Variants in LMNTD1 observed in about 807,000 individuals in gnomAD.
The protein encoded by LMNTD1 is lamin tail domain-containing protein 1.
A neutral mutation model predicts 50.9 loss-of-function variants in LMNTD1; 35 were observed. The observed-to-expected ratio is 0.69, with a 90% CI of 0.53 to 0.91. The LOEUF (loss-of-function observed/expected upper bound fraction) is 0.91. Ranked by LOEUF, LMNTD1 falls within the 40% of genes least tolerant of loss-of-function variation. LMNTD1 has a pLI of 0.00. For missense variants in LMNTD1, 470 were observed against 475.5 expected, an observed-to-expected ratio of 0.99 and a Z score of 0.11; for synonymous variants, 153 against 161.9, an observed-to-expected ratio of 0.94 and a Z score of 0.42.
rs142759203 is a variant in LMNTD1 at position 25,600,357 on chromosome 12, G to A, written c.58+48137C>T. ...AAATGTGAAAGTACTACAAGAAAAC[G>A]TTGAGGAAATTCTCCAGGACATTGG... On this transcript the variant is annotated intron_variant, in intron 1 of 7. Transcript: ENST00000445693. 1.4e-4 allele frequency among the ~76,000 whole-genome samples: 21 copies of A among 151,930 alleles called. No individual in the cohort carries two copies. In the East Asian group the frequency reaches 4.1e-3, roughly 29 times the overall value.
chr12:25,629,973 C>T (rs552934391), intron 1 of LMNTD1, among the ~76,000 whole-genome samples: 2 of 152,054 alleles, frequency 1.3e-5, no homozygotes, highest in Admixed American at 6.5e-5. Flanking sequence ...GCAAGCAATT[C>T]GTGGATGCTA....
rs141313099 is a variant in LMNTD1, at chr12:25,598,099, C to T, written c.58+50395G>A. Among the ~76,000 whole-genome samples, 836 of 152,164 alleles carry T rather than the reference C, an allele frequency of 5.5e-3. 9 individuals are homozygous for T. The highest frequency in any genetic ancestry group is 0.018 in the Admixed American group (276 of 15,266). ...GTAAGACAACCCATTGCCATTCCTT[C>T]GTCTTCTGCTATGATTGTGAGGCCT... On this transcript the variant is annotated intron_variant, in intron 1 of 7. Coordinates refer to the LMNTD1 transcript ENST00000445693.
At chr12:25,591,732 T>C (rs911842966) in intron 1 of LMNTD1, among the ~76,000 whole-genome samples, 5 of 150,110 alleles carry the variant, frequency 3.3e-5, no homozygotes, top group African/African-American at 7.4e-5. Context: ...TGGCTTCAGG[T>C]CTGACCCAGC....
At position 25,503,729 on chromosome 12, in the gene LMNTD1, G is replaced by C. The variant is rs770973463; in HGVS notation, c.*22+9C>G. 11 of 1,490,320 alleles carry C rather than the reference G, an allele frequency of 7.4e-6. No homozygotes were observed. The highest frequency in any genetic ancestry group is 6.5e-6 in the Non-Finnish European group (7 of 1,077,512). The allele number at this position is 1,490,320 out of a possible 1,614,324, so 92.3% of individuals were successfully genotyped here. On this transcript the variant is annotated intron_variant, in intron 9 of 9. Transcript: ENST00000458174. ...GTGGAGAAAGCAAATTTGCAATACA[G>C]TTACTTACCTTTAAAGGTTGAGTTG...
At chr12:25,498,562 A>G (rs1377794528) in intron 9 of LMNTD1, among the ~76,000 whole-genome samples, 1 of 152,174 alleles carries the variant, frequency 6.6e-6, no homozygotes, top group Non-Finnish European at 1.5e-5. Flanking sequence ...GAAACTGTGG[A>G]AGTTGTAGAC....
At chr12:25,529,904 T>G (rs279013) in intron 4 of LMNTD1, among the ~76,000 whole-genome samples, 114,263 of 152,030 alleles carry the variant, frequency 0.75, 44,305 homozygotes, top group East Asian at 0.9. Flanking sequence ...ACTGCAACCA[T>G]AAAGAATTCC....
At chr12:25,568,536 G>A (rs1944653936) in intron 1 of LMNTD1, among the ~76,000 whole-genome samples, 1 of 152,188 alleles carries the variant, frequency 6.6e-6, no homozygotes, top group Non-Finnish European at 1.5e-5. Context: ...CAAGACAATA[G>A]GGAAAAGGCC....
At chr12:25,608,645 A>G (rs1946174759) in intron 1 of LMNTD1, among the ~76,000 whole-genome samples, 1 of 152,224 alleles carries the variant, frequency 6.6e-6, no homozygotes, top group South Asian at 2.1e-4. Context: ...TTCTTTAAGA[A>G]TGTTGAATAT....
chr12:25,572,753 A>G (rs1944846487), intron 1 of LMNTD1, among the ~76,000 whole-genome samples: 1 of 152,070 alleles, frequency 6.6e-6, no homozygotes, highest in African/African-American at 2.4e-5. Flanking sequence ...CTGTGCTAGC[A>G]TATTTCCTTC....
chr12:25,622,148 G>A (rs1009261704), intron 1 of LMNTD1, among the ~76,000 whole-genome samples: 4 of 152,250 alleles, frequency 2.6e-5, no homozygotes, highest in Non-Finnish European at 5.9e-5. Flanking sequence ...CATCCCCAGG[G>A]AAGGCTGCAG....
chr12:25,523,540 G>T (rs1040490439), intron 6 of LMNTD1, among the ~76,000 whole-genome samples: 4 of 152,144 alleles, frequency 2.6e-5, no homozygotes, highest in Non-Finnish European at 5.9e-5. Context: ...GGGTCATGAT[G>T]ACACTTTGAG....
At chr12:25,648,334 T>C (rs989961010) in intron 1 of LMNTD1, among the ~76,000 whole-genome samples, 13 of 152,238 alleles carry the variant, frequency 8.5e-5, no homozygotes, top group Admixed American at 7.8e-4. Flanking sequence ...GCCATTTTTA[T>C]TACTTTAGAA....
In LMNTD1 at chr12:25,540,423, A is replaced by C. The variant is rs1942976850; in HGVS notation, c.491+5951T>G. 9.7e-5 allele frequency among the ~76,000 whole-genome samples: 10 copies of C among 103,470 alleles called. No homozygotes were observed. In the South Asian group the frequency reaches 4.6e-3, roughly 48 times the overall value. The allele number at this position is 103,470 out of a possible 152,430, so 67.9% of individuals were successfully genotyped here. A position where few individuals can be genotyped will look rare whatever the true frequency, so the allele number is the denominator to read the frequency against. On this transcript the variant is annotated intron_variant, in intron 4 of 9. Transcript: ENST00000458174. ...CTTGGATGCAAGGCTGGTTCAATAT[A>C]TGCAAATCAATAAATGTAATCCAGC... is the stretch of plus-strand genomic sequence containing the variant.
chr12:25,563,307 G>A (rs1045851400), intron 1 of LMNTD1, among the ~76,000 whole-genome samples: 3 of 152,178 alleles, frequency 2.0e-5, no homozygotes, highest in Non-Finnish European at 2.9e-5. Flanking sequence ...TGATGGTGAC[G>A]TACAGACAGG....
At chr12:25,529,119 C>G (rs1463713075) in intron 4 of LMNTD1, among the ~76,000 whole-genome samples, 1 of 152,058 alleles carries the variant, frequency 6.6e-6, no homozygotes, top group East Asian at 1.9e-4. Flanking sequence ...TTTGGAAACT[C>G]TTCCCTTTGT....
intron 2 of LMNTD1, among the ~76,000 whole-genome samples, chr12:25,552,260 TC>T (rs1192150426): frequency 6.6e-6 from 1 of 152,078 alleles, no homozygotes; most frequent in Non-Finnish European, 1.5e-5. Flanking sequence ...AATTTTTTTG[TC>T]CCCAGTTCTG....
chr12:25,494,890 A>G (rs1939009394), intron 9 of LMNTD1, among the ~76,000 whole-genome samples: 1 of 152,214 alleles, frequency 6.6e-6, no homozygotes, highest in African/African-American at 2.4e-5. Context: ...ACTTTCAAGT[A>G]TACAATACAT....
intron 1 of LMNTD1, among the ~76,000 whole-genome samples, chr12:25,580,065 C>G (rs1945213569): frequency 6.6e-6 from 1 of 152,172 alleles, no homozygotes; most frequent in Admixed American, 6.5e-5. Flanking sequence ...GCCCTGTGAT[C>G]TAACCACAGT....
In LMNTD1 at chr12:25,526,104, C is replaced by T. The variant is rs138988437; in HGVS notation, c.793G>A (p.Gly265Ser). The stretch of plus-strand genomic sequence containing the variant: ...GTTAAGAACCAGAAACTAACTTGAC[C>T]GTTCGGTTTGCACAGGATTGTTATA... ...DCITILCKPN[G>S]QAIAWYTPIH... is the part of the protein sequence containing the mutation. Residue 265 changes from glycine (G) to serine (S), a missense_variant, in exon 6 of 10, where the codon GGT becomes AGT. By Grantham distance (56) the Gly-to-Ser change is moderately conservative (BLOSUM62 0). Transcript: ENST00000458174. 1.1e-4 allele frequency: 169 copies of T among 1,564,332 alleles called. 1 individual carries two copies. Among genetic ancestry groups the T allele is most frequent in the Middle Eastern group, 3.4e-4 (2 of 5,852 alleles).
Sources: gnomAD v4.1 joint callset for allele counts (sites outside exome capture counted in the v4.1 genomes callset) on GRCh38, gnomAD v4.1.1 for gene constraint, MANE v1.5 for transcripts, NCBI Gene and HGNC (gene_info 2026-07-23, HGNC 2026-07-21) for gene names.